Variants in WIPF3 observed in about 807,000 individuals in gnomAD.
WIPF3 encodes WAS/WASL interacting protein family member 3, also known as WAS/WASL-interacting protein family member 3.
Under a neutral mutation model 38.9 loss-of-function variants are expected in WIPF3, and 33 were observed. That is an observed-to-expected ratio of 0.85 (90% CI 0.64 to 1.14). The LOEUF (loss-of-function observed/expected upper bound fraction) is 1.14. Ranked by LOEUF, WIPF3 falls within the 50% of genes most tolerant of loss-of-function variation. The probability of loss-of-function intolerance (pLI) is 0.00; values close to 1 mark genes in which losing one functional copy is unlikely to be tolerated. For synonymous variants in WIPF3, 324 were observed against 269.3 expected (o/e 1.20, Z -1.99); for missense variants, 711 against 652.5 (o/e 1.09, Z -0.98).
chr7:29,825,079 C>A (rs1784595344), intron 1 of WIPF3, among the ~76,000 whole-genome samples: 1 of 152,058 alleles, frequency 6.6e-6, no homozygotes, highest in African/African-American at 2.4e-5. Context: ...ACCACCTTAG[C>A]CTTAAGAAAG....
At chr7:29,913,082 C>A (rs1220506028) in intron 8 of WIPF3, among the ~76,000 whole-genome samples, 1 of 148,700 alleles carries the variant, frequency 6.7e-6, no homozygotes, top group African/African-American at 2.5e-5. Context: ...TGTGGTGGCT[C>A]ATGCCTGTAA....
chr7:29,830,965 G>C (rs1466185467), intron 1 of WIPF3, among the ~76,000 whole-genome samples: 1 of 152,204 alleles, frequency 6.6e-6, no homozygotes, highest in Non-Finnish European at 1.5e-5. Flanking sequence ...TACTCACGGT[G>C]CTTTTGTGGT....
intron 7 of WIPF3, among the ~76,000 whole-genome samples, chr7:29,895,012 C>T (rs1390442807): frequency 2.0e-5 from 3 of 151,640 alleles, no homozygotes; most frequent in East Asian, 1.9e-4. Flanking sequence ...AGTGCAGTGG[C>T]GTGATCTCGG....
chr7:29,810,877 T>C (rs1028517817), intron 1 of WIPF3, among the ~76,000 whole-genome samples: 1 of 152,118 alleles, frequency 6.6e-6, no homozygotes, highest in Non-Finnish European at 1.5e-5. Context: ...TTAAGGCTAA[T>C]AAGATAGATT....
intron 2 of WIPF3, among the ~76,000 whole-genome samples, chr7:29,859,667 T>C (rs1785242538): frequency 1.3e-5 from 2 of 152,142 alleles, no homozygotes; most frequent in South Asian, 4.1e-4. Context: ...GCAGGCATTG[T>C]ACTTCCTGAG....
intron 4 of WIPF3, among the ~76,000 whole-genome samples, chr7:29,880,730 CTT>C (rs1785697843): frequency 6.6e-6 from 1 of 152,196 alleles, no homozygotes; most frequent in Non-Finnish European, 1.5e-5. Context: ...GAATTTATCT[CTT>C]TAGAGATGGA....
At chr7:29,895,828 C>G (rs75386527) in intron 7 of WIPF3, among the ~76,000 whole-genome samples, 1 of 152,150 alleles carries the variant, frequency 6.6e-6, no homozygotes. Flanking sequence ...GGATCTGCCC[C>G]CATGACTCAG....
intron 6 of WIPF3, among the ~76,000 whole-genome samples, chr7:29,888,498 T>TGCGTGTGC (rs1785934019): frequency 2.6e-5 from 1 of 38,570 alleles, no homozygotes; most frequent in Non-Finnish European, 6.8e-5. Context: ...TGTGTGCGTG[T>TGCGTGTGC]GCGTGTGTGT....
intron 2 of WIPF3, among the ~76,000 whole-genome samples, chr7:29,870,586 C>A (rs1785476937): frequency 6.6e-6 from 1 of 152,090 alleles, no homozygotes. Context: ...GATGAGATAA[C>A]CTTGATGGGT....
chr7:29,890,354 CAAAA>C (rs753546656), intron 7 of WIPF3, among the ~76,000 whole-genome samples: 4 of 50,662 alleles, frequency 7.9e-5, no homozygotes, highest in Admixed American at 2.1e-4. Context: ...TCTGTATCCA[CAAAA>C]AAAAAAAAAA....
At chr7:29,890,980 G>T in intron 7 of WIPF3, among the ~76,000 whole-genome samples, 1 of 111,298 alleles carries the variant, frequency 9.0e-6, no homozygotes, top group African/African-American at 3.5e-5. Flanking sequence ...AGGTGGAGGG[G>T]GCGAGGGCCT....
intron 2 of WIPF3, among the ~76,000 whole-genome samples, chr7:29,837,625 C>A (rs1784827020): frequency 6.6e-6 from 1 of 151,990 alleles, no homozygotes; most frequent in Admixed American, 6.5e-5. Context: ...GTAAAATAAT[C>A]ATGTAAATTT....
intron 1 of WIPF3, 87 bp from the exon 2 acceptor site, chr7:29,834,581 C>G: frequency 1.7e-6 from 2 of 1,183,062 alleles, no homozygotes; most frequent in Non-Finnish European, 2.2e-6. Flanking sequence ...ATCAAGCTGA[C>G]TATAATATGC....
intron 2 of WIPF3, among the ~76,000 whole-genome samples, chr7:29,859,245 G>A (rs1235242020): frequency 6.6e-6 from 1 of 152,162 alleles, no homozygotes; most frequent in African/African-American, 2.4e-5. Flanking sequence ...GGGAGAAGAC[G>A]GTTGAGCAGG....
chr7:29,828,868 C>T (rs144240222), intron 1 of WIPF3, among the ~76,000 whole-genome samples: 216 of 152,330 alleles, frequency 1.4e-3, no homozygotes, highest in African/African-American at 4.9e-3. Flanking sequence ...GTTCAAAAGA[C>T]GGTGGGCAAC....
intron 2 of WIPF3, among the ~76,000 whole-genome samples, chr7:29,854,217 T>C (rs913118969): frequency 6.6e-6 from 1 of 152,214 alleles, no homozygotes; most frequent in African/African-American, 2.4e-5. Context: ...AGCCACCTGC[T>C]GCTGGTGGCA....
intron 6 of WIPF3, among the ~76,000 whole-genome samples, chr7:29,888,483 G>GT (rs745915065): frequency 7.5e-6 from 1 of 133,368 alleles, no homozygotes; most frequent in South Asian, 2.7e-4. Flanking sequence ...TAAACTGTGT[G>GT]AGTGTGTGTG....
chr7:29,872,403 A>T (rs1362619702), intron 2 of WIPF3, among the ~76,000 whole-genome samples: 1 of 152,196 alleles, frequency 6.6e-6, no homozygotes, highest in African/African-American at 2.4e-5. Context: ...TGCAAAACCA[A>T]TTAAGTCTAA....
rs1784629640 is a variant in WIPF3, at chr7:29,827,199, T to TC, written c.-57-7465dup. Among the ~76,000 whole-genome samples the TC allele has an allele frequency of 3.3e-5, 5 of 152,010 alleles. No individual in the cohort carries two copies. In the South Asian group the frequency reaches 1.0e-3, roughly 32 times the overall value. On this transcript the variant is annotated intron_variant, in intron 1 of 8. Transcript: ENST00000242140. ...CTTACTCAGGCCAACATGCCCCACC[T>TC]CCCCACAAAAGCTAAATATTTACAG...
Sources: gnomAD v4.1 joint callset for allele counts (sites outside exome capture counted in the v4.1 genomes callset) on GRCh38, gnomAD v4.1.1 for gene constraint, MANE v1.5 for transcripts, NCBI Gene and HGNC (gene_info 2026-07-23, HGNC 2026-07-21) for gene names.